NRXN3: variants seen among roughly 807,000 people sequenced by gnomAD.
NRXN3 encodes the protein neurexin 3.
NRXN3 carries 32 observed loss-of-function variants against 137.6 expected under a neutral mutation model. The observed-to-expected ratio is 0.23, with a 90% confidence interval of 0.18 to 0.31. The LOEUF (loss-of-function observed/expected upper bound fraction) is 0.31. Among genes scored for constraint, NRXN3 ranks in the 10% least tolerant of loss-of-function variants. NRXN3 has a pLI of 1.00. For synonymous variants in NRXN3, 798 were observed against 784.5 expected (o/e 1.02, Z -0.29); for missense variants, 1,574 against 2,062.5 (o/e 0.76, Z 4.59).
chr14:78,491,982 C>T (rs144067612), intron 4 of NRXN3, among the ~76,000 whole-genome samples: 64 of 152,180 alleles, frequency 4.2e-4, no homozygotes, highest in East Asian at 2.1e-3. Context: ...ATTCGGATTC[C>T]GCCTCTGCTG....
At chr14:78,607,570 T>G (rs2097263511) in intron 4 of NRXN3, among the ~76,000 whole-genome samples, 1 of 152,202 alleles carries the variant, frequency 6.6e-6, no homozygotes, top group South Asian at 2.1e-4. Context: ...TGCCTGGTGC[T>G]GTGCTAGAGA....
intron 15 of NRXN3, among the ~76,000 whole-genome samples, chr14:79,143,045 A>G (rs2058962309): frequency 6.6e-6 from 1 of 152,144 alleles, no homozygotes; most frequent in African/African-American, 2.4e-5. Flanking sequence ...TATATCTTGT[A>G]TCTTCATATA....
intron 2 of NRXN3, among the ~76,000 whole-genome samples, chr14:78,247,568 C>A (rs1021757715): frequency 3.9e-4 from 60 of 152,108 alleles, no homozygotes; most frequent in Non-Finnish European, 2.2e-4. Context: ...TTCATGTTGA[C>A]ATTTAGTCTT....
chr14:79,787,464 T>C (rs1272541973), intron 19 of NRXN3, among the ~76,000 whole-genome samples: 1 of 152,216 alleles, frequency 6.6e-6, no homozygotes, highest in Non-Finnish European at 1.5e-5. Context: ...TTATTAACTC[T>C]AGTCACCATG....
intron 15 of NRXN3, among the ~76,000 whole-genome samples, chr14:79,275,941 G>C (rs1451278077): frequency 6.6e-6 from 1 of 152,070 alleles, no homozygotes; most frequent in Non-Finnish European, 1.5e-5. Flanking sequence ...TTGAAATCTG[G>C]GTGAGCATAG....
chr14:78,548,723 C>A (rs1410722326), intron 4 of NRXN3, among the ~76,000 whole-genome samples: 1 of 152,158 alleles, frequency 6.6e-6, no homozygotes, highest in Non-Finnish European at 1.5e-5. Flanking sequence ...CATCCATTCC[C>A]CTCACTAGAC....
At chr14:78,549,586 G>T (rs1462049993) in intron 4 of NRXN3, among the ~76,000 whole-genome samples, 4 of 152,218 alleles carry the variant, frequency 2.6e-5, no homozygotes, top group African/African-American at 4.8e-5. Context: ...AGCTGTGAAT[G>T]GTGCACAGGT....
intron 4 of NRXN3, among the ~76,000 whole-genome samples, chr14:78,467,367 G>A (rs2095138927): frequency 6.6e-6 from 1 of 152,198 alleles, no homozygotes; most frequent in East Asian, 1.9e-4. Flanking sequence ...AAACCAAAAC[G>A]AGTTTAAACA....
chr14:78,928,304 ATT>A (rs144201690), intron 10 of NRXN3, among the ~76,000 whole-genome samples: 1 of 150,230 alleles, frequency 6.7e-6, no homozygotes, highest in South Asian at 2.1e-4. Context: ...ACTTACAGGG[ATT>A]TTTTTTTTAA....
intron 20 of NRXN3, among the ~76,000 whole-genome samples, chr14:79,855,800 T>C (rs1568465758): frequency 6.6e-6 from 1 of 152,136 alleles, no homozygotes; most frequent in African/African-American, 2.4e-5. Flanking sequence ...ATCTAACATA[T>C]AAAAAATACT....
intron 15 of NRXN3, among the ~76,000 whole-genome samples, chr14:79,278,910 C>A (rs1308257562): frequency 2.6e-5 from 4 of 152,156 alleles, no homozygotes; most frequent in African/African-American, 9.7e-5. Context: ...AGCGCGCGTG[C>A]GGCACCACCG....
At chr14:79,508,407 A>ATTTATTTTTTTTTTTTTT (rs1567329223) in intron 16 of NRXN3, among the ~76,000 whole-genome samples, 2 of 58,572 alleles carry the variant, frequency 3.4e-5, no homozygotes, top group African/African-American at 1.2e-4. Context: ...TTTTTTTTTT[A>ATTTATTTTTTTTTTTTTT]AGACAGAGTC....
At chr14:78,847,461 G>C in intron 10 of NRXN3, among the ~76,000 whole-genome samples, 1 of 152,016 alleles carries the variant, frequency 6.6e-6, no homozygotes, top group Admixed American at 6.6e-5. Flanking sequence ...GTCATTTCTC[G>C]AAGTACTCTT....
chr14:78,412,700 G>T (rs191272413), intron 4 of NRXN3, among the ~76,000 whole-genome samples: 1 of 152,238 alleles, frequency 6.6e-6, no homozygotes, highest in East Asian at 1.9e-4. Context: ...GCTCTTAACC[G>T]CTGCTCACCC....
intron 4 of NRXN3, among the ~76,000 whole-genome samples, chr14:78,598,555 C>T (rs962351131): frequency 6.6e-6 from 1 of 152,228 alleles, no homozygotes; most frequent in Non-Finnish European, 1.5e-5. Flanking sequence ...GGGGTCTGCT[C>T]TCGCAGTCAC....
chr14:78,300,187 T>C (rs76576080), intron 4 of NRXN3, among the ~76,000 whole-genome samples: 4,866 of 152,366 alleles, frequency 0.032, 142 homozygotes, highest in Admixed American at 0.097. Flanking sequence ...ATGTATGTTG[T>C]GTGTACAACA....
chr14:78,425,520 C>T (rs530754019), intron 4 of NRXN3, among the ~76,000 whole-genome samples: 4 of 152,182 alleles, frequency 2.6e-5, no homozygotes, highest in Non-Finnish European at 4.4e-5. Context: ...ATCCAGATGG[C>T]ACCACTGAGA....
chr14:79,537,573 A>C (rs1023478532), intron 16 of NRXN3, among the ~76,000 whole-genome samples: 7 of 152,108 alleles, frequency 4.6e-5, no homozygotes, highest in Admixed American at 6.5e-5. Flanking sequence ...TAGTTTGCTG[A>C]GAATGATGGT....
At chr14:79,471,482 A>T (rs1464331974) in intron 16 of NRXN3, among the ~76,000 whole-genome samples, 1 of 152,190 alleles carries the variant, frequency 6.6e-6, no homozygotes, top group East Asian at 1.9e-4. Context: ...TGTTATCCTG[A>T]AATCCCTATG....
Sources: allele counts gnomAD v4.1 joint callset (sites outside exome capture counted in the v4.1 genomes callset), GRCh38; gene constraint gnomAD v4.1.1; transcripts MANE v1.5; gene names NCBI Gene and HGNC (gene_info 2026-07-23, HGNC 2026-07-21).